LGALS12: variants seen among roughly 807,000 people sequenced by gnomAD.
The protein encoded by LGALS12 is galectin 12.
In LGALS12, 36 loss-of-function variants were observed where a neutral mutation model predicts 36.8. The observed-to-expected ratio is 0.98, with a 90% confidence interval of 0.75 to 1.29. LGALS12 has a LOEUF of 1.29. LGALS12 is among the 50% of genes most tolerant of loss of function. The probability of loss-of-function intolerance (pLI) is 0.00; values close to 1 mark genes in which losing one functional copy is unlikely to be tolerated. For missense variants in LGALS12, 366 were observed against 394.3 expected, an observed-to-expected ratio of 0.93 and a Z score of 0.61; for synonymous variants, 145 against 155.9, an observed-to-expected ratio of 0.93 and a Z score of 0.52.
At position 63,511,079 on chromosome 11, in the gene LGALS12, C is replaced by A. The variant is rs778514006; in HGVS notation, c.532C>A (p.Pro178Thr). Residue 178 changes from proline (P) to threonine (T), a missense_variant and splice_region_variant, in exon 6 of 9, where the codon CCT (proline) becomes ACT (threonine). Transcript: ENST00000394618. ...EGSREYPAGHPFLLMSPRLEV... is the reference protein window; with the variant it reads ...EGSREYPAGHTFLLMSPRLEV... ...TGTCCTCTCTTTCTTTCCCTGACAG[C>A]CTTTCCTGCTGATGAGCCCCAGGCT... The A allele has an allele frequency of 6.2e-7, 1 of 1,613,708 alleles. No homozygotes were observed. The highest frequency in any genetic ancestry group is 2.2e-5 in the East Asian group (1 of 44,888).
At chr11:63,512,907 C>A (rs1590651123) in intron 7 of LGALS12, among the ~76,000 whole-genome samples, 1 of 152,218 alleles carries the variant, frequency 6.6e-6, no homozygotes, top group South Asian at 2.1e-4. Context: ...GCAATCATCT[C>A]AGTGGAGGTA....
chr11:63,506,604 G>C lies in LGALS12; in HGVS notation c.69+77G>C, dbSNP rs112160757. On this transcript the variant is annotated intron_variant, in intron 1 of 8. Coordinates refer to ENST00000394618, the MANE Select transcript of LGALS12 (RefSeq NM_033101.4). ...CCAACTGGGCCCACACTCCTGGGTG[G>C]TGGGGTGGAAAGGACCTCAGTCTTT... 2,984 of 1,586,824 alleles carry C rather than the reference G, an allele frequency of 1.9e-3. 40 individuals carry two copies. In the African/African-American group the frequency reaches 0.034, roughly 18 times the overall value.
intron 6 of LGALS12, among the ~76,000 whole-genome samples, 195 bp downstream of exon 6, chr11:63,511,300 G>A (rs2016913286): frequency 6.6e-6 from 1 of 152,194 alleles, no homozygotes; most frequent in Admixed American, 6.5e-5. Context: ...GCAAGCTGCA[G>A]GCTGTGGGTG....
intron 3 of LGALS12, 60 bp from the exon 4 acceptor site, chr11:63,509,718 A>G: frequency 6.3e-7 from 1 of 1,588,980 alleles, no homozygotes; most frequent in South Asian, 1.1e-5. Flanking sequence ...TGCCTGGGAC[A>G]TTGTTATGAA....
intron 6 of LGALS12, 65 bp from the exon 7 acceptor site, chr11:63,511,687 G>A (rs1357206800): frequency 3.1e-5 from 37 of 1,204,072 alleles, no homozygotes; most frequent in Non-Finnish European, 4.5e-5. Flanking sequence ...CTGGCCCCCG[G>A]GGATGGGCGG....
intron 7 of LGALS12, among the ~76,000 whole-genome samples, chr11:63,514,526 G>A (rs2017021675): frequency 6.6e-6 from 1 of 152,132 alleles, no homozygotes; most frequent in African/African-American, 2.4e-5. Flanking sequence ...AGCCGAGATC[G>A]TGCCACTGCA....
In LGALS12 at chr11:63,515,545, TCCTCCTGCTTCCTG is replaced by T. The variant is rs2017052410; in HGVS notation, c.648-16_648-3del. On this transcript the variant is annotated splice_polypyrimidine_tract_variant and splice_region_variant and intron_variant, in intron 7 of 8. Transcript: ENST00000394618. Reference sequence around the variant, plus strand: ...GCAATGGGCGCTGATTCCTTCTCCTTCCTCCTGCTTCCTGCAGTTTTACTGTGAGCCTGAGGGAC... The same window carrying T: ...GCAATGGGCGCTGATTCCTTCTCCTTCAGTTTTACTGTGAGCCTGAGGGAC... The T allele has an allele frequency of 1.2e-6, 2 of 1,613,216 alleles. No individual in the cohort carries two copies. Among genetic ancestry groups the T allele is most frequent in the African/African-American group, 2.7e-5 (2 of 75,046 alleles).
At position 63,511,087 on chromosome 11, in the gene LGALS12, G is replaced by A; in HGVS notation, c.540G>A (p.Leu180=). 6.2e-7 allele frequency: 1 copy of A among 1,613,688 alleles called. No individual in the cohort carries two copies. The highest frequency in any genetic ancestry group is 8.5e-7 in the Non-Finnish European group (1 of 1,179,986). The change falls in exon 6 of 9, where the codon CTG becomes CTA. Residue 180 remains leucine, a synonymous_variant. Transcript: ENST00000394618. Reference sequence around the variant, plus strand: ...CTTTCTTTCCCTGACAGCCTTTCCTGCTGATGAGCCCCAGGCTGGTGAGTG... The same window carrying A: ...CTTTCTTTCCCTGACAGCCTTTCCTACTGATGAGCCCCAGGCTGGTGAGTG... ...SREYPAGHPF[L]LMSPRLEVPC... is the part of the protein sequence containing the mutation.
chr11:63,509,931 G>A, intron 4 of LGALS12, 34 bp downstream of exon 4: 1 of 1,604,312 alleles, frequency 6.2e-7, no homozygotes. Flanking sequence ...CTGGGCAGTG[G>A]CAGCCTCTAA....
At chr11:63,513,194 A>G (rs1020575733) in intron 7 of LGALS12, among the ~76,000 whole-genome samples, 1 of 152,222 alleles carries the variant, frequency 6.6e-6, no homozygotes, top group Non-Finnish European at 1.5e-5. Context: ...AAGGTGAATG[A>G]TAATTCCAAC....
Position 63,516,481 on chromosome 11 carries a change from C to T in LGALS12, c.*88C>T, listed in dbSNP as rs2017088621. 2.7e-6 allele frequency: 4 copies of T among 1,461,042 alleles called. No homozygotes were observed. Among genetic ancestry groups the T allele is most frequent in the Non-Finnish European group, 3.8e-6 (4 of 1,054,894 alleles). 90.5% of individuals were successfully genotyped at this position (1,461,042 alleles called of 1,614,324 possible). A position where few individuals can be genotyped will look rare whatever the true frequency, so the allele number is the denominator to read the frequency against. ...CTCCTCCCCTCATTAAACCATCCAC[C>T]TGACACCAGCACATCAGGCCTGGTT... is the stretch of plus-strand genomic sequence containing the variant. On this transcript the variant is annotated 3_prime_UTR_variant, in exon 9 of 9. Coordinates refer to ENST00000394618, the MANE Select transcript of LGALS12 (RefSeq NM_033101.4).
chr11:63,515,509 G>T, intron 7 of LGALS12, 54 bp from the exon 8 acceptor site: 1 of 1,597,422 alleles, frequency 6.3e-7, no homozygotes. Context: ...GGGCTGAGCA[G>T]CGGCCTATGG....
intron 7 of LGALS12, among the ~76,000 whole-genome samples, chr11:63,512,470 C>A (rs1001867356): frequency 1.3e-5 from 2 of 152,188 alleles, no homozygotes; most frequent in African/African-American, 4.8e-5. Flanking sequence ...CTTTTCCTCT[C>A]TGTGCCTCTG....
intron 7 of LGALS12, among the ~76,000 whole-genome samples, chr11:63,514,238 T>C (rs910507181): frequency 4.6e-5 from 7 of 152,178 alleles, no homozygotes; most frequent in African/African-American, 7.2e-5. Flanking sequence ...TTCTCCAGCA[T>C]AGCTCTTCAA....
At chr11:63,510,866 G>A (rs1375432870) in intron 5 of LGALS12, among the ~76,000 whole-genome samples, 3 of 152,222 alleles carry the variant, frequency 2.0e-5, no homozygotes, top group Admixed American at 6.5e-5. Context: ...CACACAGGGA[G>A]TGGATGACAA....
chr11:63,515,934 G>T (rs528339227), intron 8 of LGALS12, among the ~76,000 whole-genome samples: 8 of 152,208 alleles, frequency 5.3e-5, no homozygotes, highest in South Asian at 4.2e-4. Flanking sequence ...GGTGGGGGGG[G>T]GCCCAGGCAT....
chr11:63,511,010 T>G, intron 5 of LGALS12, 69 bp from the exon 6 acceptor site: 1 of 1,499,900 alleles, frequency 6.7e-7, no homozygotes, highest in East Asian at 2.3e-5. Flanking sequence ...TTTGTTAGAA[T>G]AACAAGAGTT....
rs1438676533 is a variant in LGALS12 at position 63,506,223 on chromosome 11, C to T, written c.-236C>T. On this transcript the variant is annotated 5_prime_UTR_variant, in exon 1 of 9. Transcript: ENST00000394618. ...CACTGAGTTCTGCTGACAGCCCCCG[C>T]CCAGCCAGAGCTCTGCTGTATACCA... 3.0e-6 allele frequency: 2 copies of T among 677,512 alleles called. No individual in the cohort carries two copies. Among genetic ancestry groups the T allele is most frequent in the African/African-American group, 1.8e-5 (1 of 55,074 alleles). The allele number at this position is 677,512 out of a possible 1,614,324, so 42.0% of individuals were successfully genotyped here. A position where few individuals can be genotyped will look rare whatever the true frequency, so the allele number is the denominator to read the frequency against.
chr11:63,508,756 T>TCCC (rs1565225010), intron 2 of LGALS12, 22 bp from the exon 3 acceptor site: 1 of 1,614,048 alleles, frequency 6.2e-7, no homozygotes, highest in Non-Finnish European at 8.5e-7. Context: ...AACCGCACTT[T>TCCC]GAGAGCCTCA....
Sources: allele counts gnomAD v4.1 joint callset (sites outside exome capture counted in the v4.1 genomes callset), GRCh38; gene constraint gnomAD v4.1.1; transcripts MANE v1.5; gene names NCBI Gene and HGNC (gene_info 2026-07-23, HGNC 2026-07-21).